Variants in EYS observed in about 807,000 individuals in gnomAD.
EYS encodes protein eyes shut homolog.
Under a neutral mutation model 282.1 loss-of-function variants are expected in EYS, and 250 were observed. That is an observed-to-expected ratio of 0.89 (90% CI 0.80 to 0.98). The LOEUF is 0.98. Ranked by LOEUF, EYS falls within the 50% of genes least tolerant of loss-of-function variation. EYS has a pLI of 0.00. For synonymous variants in EYS, 1,355 were observed against 1,282.9 expected (o/e 1.06, Z -1.20); for missense variants, 4,016 against 3,709.0 (o/e 1.08, Z -2.15).
At position 64,395,470 on chromosome 6, in the gene EYS, G is replaced by A. The variant is rs150858274; in HGVS notation, c.5928-6630C>T. 8.7e-3 allele frequency among the ~76,000 whole-genome samples: 1,327 copies of A among 152,150 alleles called. 26 individuals carry two copies. The highest frequency in any genetic ancestry group is 0.029 in the African/African-American group (1,210 of 41,488). On this transcript the variant is annotated intron_variant, in intron 28 of 42. Coordinates refer to ENST00000503581, the MANE Select transcript of EYS (RefSeq NM_001142800.2). ...TGCAGCCATCAAAAATGATGAGTTC[G>A]TGTCCTTTGTAGGGACATGGATGAA...
intron 2 of EYS, among the ~76,000 whole-genome samples, chr6:65,509,634 G>T (rs966869233): frequency 4.6e-5 from 7 of 152,060 alleles, no homozygotes; most frequent in Non-Finnish European, 8.8e-5. Flanking sequence ...CATATGACTT[G>T]CAAATATTTC....
chr6:65,037,358 A>G (rs916669343), intron 13 of EYS, among the ~76,000 whole-genome samples: 11 of 151,810 alleles, frequency 7.2e-5, no homozygotes, highest in Admixed American at 4.6e-4. Context: ...CCTATCAGGT[A>G]CTAAGCTTAT....
chr6:65,538,062 A>G (rs1375755761), intron 2 of EYS, among the ~76,000 whole-genome samples: 1 of 152,162 alleles, frequency 6.6e-6, no homozygotes, highest in Admixed American at 6.6e-5. Flanking sequence ...AATAGCAATA[A>G]AAAATATAAC....
intron 2 of EYS, among the ~76,000 whole-genome samples, chr6:65,570,264 A>G (rs1764432723): frequency 6.6e-6 from 1 of 152,198 alleles, no homozygotes; most frequent in South Asian, 2.1e-4. Context: ...TTGCAAAGAA[A>G]GAAGAGCCTA....
intron 24 of EYS, among the ~76,000 whole-genome samples, chr6:64,608,869 C>A: frequency 6.6e-6 from 1 of 152,086 alleles, no homozygotes; most frequent in East Asian, 1.9e-4. Flanking sequence ...TATGAAGACC[C>A]TGAAAAGATC....
intron 22 of EYS, among the ~76,000 whole-genome samples, chr6:64,730,312 G>C (rs1347105300): frequency 1.3e-5 from 2 of 152,130 alleles, no homozygotes; most frequent in Admixed American, 1.3e-4. Context: ...TAATGTTACA[G>C]ATAAGTTCTA....
chr6:65,672,195 C>CTGAAAAACTGGTTGTT (rs1328020513), intron 1 of EYS, among the ~76,000 whole-genome samples: 3 of 152,090 alleles, frequency 2.0e-5, no homozygotes, highest in African/African-American at 7.2e-5. Flanking sequence ...AATATTCTGA[C>CTGAAAAACTGGTTGTT]TTTCGGGAGG....
chr6:64,248,338 C>T (rs956122610), intron 30 of EYS, among the ~76,000 whole-genome samples: 2 of 152,050 alleles, frequency 1.3e-5, no homozygotes, highest in East Asian at 1.9e-4. Flanking sequence ...TGTTTATTTT[C>T]GAAACTACAC....
At chr6:63,793,432 C>T (rs1444261056) in intron 37 of EYS, among the ~76,000 whole-genome samples, 1 of 152,198 alleles carries the variant, frequency 6.6e-6, no homozygotes, top group Non-Finnish European at 1.5e-5. Flanking sequence ...CATGCACAAG[C>T]TTTGAAAGAT....
intron 12 of EYS, among the ~76,000 whole-genome samples, chr6:65,098,904 AT>A (rs938444383): frequency 8.6e-5 from 13 of 150,920 alleles, no homozygotes; most frequent in Non-Finnish European, 1.8e-4. Flanking sequence ...GTTTAAAAAA[AT>A]AATAACAATT....
chr6:65,487,209 T>C (rs878996965), intron 5 of EYS, among the ~76,000 whole-genome samples: 1 of 152,202 alleles, frequency 6.6e-6, no homozygotes, highest in African/African-American at 2.4e-5. Context: ...TCCAACACTA[T>C]GTTGAATACG....
chr6:64,529,765 A>G (rs1210037287), intron 26 of EYS, among the ~76,000 whole-genome samples: 1 of 152,086 alleles, frequency 6.6e-6, no homozygotes, highest in Non-Finnish European at 1.5e-5. Context: ...GCTGTCAAGT[A>G]GCTTATAAAT....
intron 14 of EYS, among the ~76,000 whole-genome samples, chr6:64,964,595 C>A (rs897443909): frequency 3.9e-5 from 6 of 152,048 alleles, no homozygotes; most frequent in Non-Finnish European, 7.4e-5. Flanking sequence ...GTGGCGGCAC[C>A]AGCAAGCAAT....
rs542873290 is a variant in EYS at position 65,377,548 on chromosome 6, G to A, written c.1299+6838C>T. On this transcript the variant is annotated intron_variant, in intron 8 of 42. Coordinates refer to ENST00000503581, the MANE Select transcript of EYS (RefSeq NM_001142800.2). ...TCAGAGCAGAACCGAAGGAGATAAA[G>A]GCATGAAAAACCCTTCAAAAAATCA... 4.6e-5 allele frequency among the ~76,000 whole-genome samples: 7 copies of A among 152,002 alleles called. No homozygotes were observed. The South Asian group carries it at 1.5e-3, about 32-fold the overall frequency.
At chr6:65,049,333 C>A (rs1235790042) in intron 13 of EYS, among the ~76,000 whole-genome samples, 1 of 151,738 alleles carries the variant, frequency 6.6e-6, no homozygotes, top group Non-Finnish European at 1.5e-5. Context: ...CCCACAGGTT[C>A]TTTTGCCTCT....
intron 36 of EYS, among the ~76,000 whole-genome samples, chr6:63,837,613 C>T (rs1033477269): frequency 1.8e-4 from 27 of 152,088 alleles, no homozygotes; most frequent in Admixed American, 6.6e-4. Flanking sequence ...AAGTATAACA[C>T]ATATCCAGAT....
chr6:64,816,475 C>T (rs1764743679), intron 21 of EYS, among the ~76,000 whole-genome samples: 2 of 152,006 alleles, frequency 1.3e-5, no homozygotes, highest in African/African-American at 4.8e-5. Context: ...TGCAACTTCT[C>T]TTACCCCCAC....
intron 15 of EYS, among the ~76,000 whole-genome samples, chr6:64,926,753 G>A (rs1320680359): frequency 6.6e-6 from 1 of 152,058 alleles, no homozygotes; most frequent in Non-Finnish European, 1.5e-5. Flanking sequence ...AAGTAGGTGA[G>A]GTATACTAAC....
At chr6:64,857,316 G>GT (rs1223184593) in intron 19 of EYS, among the ~76,000 whole-genome samples, 2 of 152,026 alleles carry the variant, frequency 1.3e-5, no homozygotes, top group African/African-American at 4.8e-5. Flanking sequence ...ACCACTATGA[G>GT]TTCAACACTT....
Sources: allele counts gnomAD v4.1 joint callset (sites outside exome capture counted in the v4.1 genomes callset), GRCh38; gene constraint gnomAD v4.1.1; transcripts MANE v1.5; gene names NCBI Gene and HGNC (gene_info 2026-07-23, HGNC 2026-07-21).